GRIK2: variants seen among roughly 807,000 people sequenced by gnomAD.
The protein encoded by GRIK2 is glutamate receptor ionotropic, kainate 2.
A neutral mutation model predicts 100.3 loss-of-function variants in GRIK2; 32 were observed. That is an observed-to-expected ratio of 0.32 (90% CI 0.24 to 0.43). The LOEUF (loss-of-function observed/expected upper bound fraction) is 0.43. Among genes scored for constraint, GRIK2 ranks in the 20% least tolerant of loss-of-function variants. The pLI, the probability that GRIK2 is intolerant of heterozygous loss-of-function variation, is 1.00. For missense variants in GRIK2, 843 were observed against 1,114.9 expected, an observed-to-expected ratio of 0.76 and a Z score of 3.47; for synonymous variants, 417 against 389.4, an observed-to-expected ratio of 1.07 and a Z score of -0.83.
rs940215759 is a variant in GRIK2 at position 101,449,535 on chromosome 6, A to G, written c.115+50143A>G. 2.0e-5 allele frequency among the ~76,000 whole-genome samples: 3 copies of G among 151,738 alleles called. No individual in the cohort carries two copies. The East Asian group carries it at 5.8e-4, about 29-fold the overall frequency. On this transcript the variant is annotated intron_variant, in intron 2 of 16. Coordinates refer to ENST00000369134, the MANE Select transcript of GRIK2 (RefSeq NM_021956.5). ...GCTTTGGAAATGAAAACACAAGGAA[A>G]CAAGTAAACTTGTGTACTTTCATGC...
chr6:101,464,522 TTTTTTTTTTTTTTG>T (rs1771527069), intron 2 of GRIK2, among the ~76,000 whole-genome samples: 1 of 96,004 alleles, frequency 1.0e-5, no homozygotes, highest in Admixed American at 1.1e-4. Context: ...TTTTTTTTTT[TTTTTTTTTTTTTTG>T]AGACAGAGTC....
chr6:101,647,214 CAA>C (rs929530821), intron 4 of GRIK2, among the ~76,000 whole-genome samples: 19 of 151,922 alleles, frequency 1.3e-4, no homozygotes, highest in African/African-American at 3.9e-4. Context: ...ATGTAAAAAA[CAA>C]AGAGGTAAAA....
chr6:101,823,709 C>T (rs1021770038), intron 10 of GRIK2, among the ~76,000 whole-genome samples: 3 of 152,030 alleles, frequency 2.0e-5, no homozygotes, highest in Non-Finnish European at 2.9e-5. Flanking sequence ...TAAAGTATAA[C>T]GTGCTAAACC....
In GRIK2 at chr6:102,014,271, T is replaced by C. The variant is rs142292361; in HGVS notation, c.2086-21070T>C. Reference sequence around the variant, plus strand: ...AGTCTTTGATGGTTATTTGTATTCCTGTGGGGTCAGTGGTAATAATCCCTT... The same window carrying C: ...AGTCTTTGATGGTTATTTGTATTCCCGTGGGGTCAGTGGTAATAATCCCTT... On this transcript the variant is annotated intron_variant, in intron 14 of 16. Coordinates refer to ENST00000369134, the MANE Select transcript of GRIK2 (RefSeq NM_021956.5). 5.6e-3 allele frequency among the ~76,000 whole-genome samples: 850 copies of C among 152,336 alleles called. 8 individuals are homozygous for C. The highest frequency in any genetic ancestry group is 0.02 in the African/African-American group (813 of 41,560).
intron 14 of GRIK2, among the ~76,000 whole-genome samples, chr6:102,004,623 C>G (rs1381848377): frequency 1.3e-5 from 2 of 151,916 alleles, no homozygotes; most frequent in Non-Finnish European, 2.9e-5. Context: ...CAATTCAATT[C>G]TTGGGAGTGA....
At chr6:101,493,800 T>C (rs962394254) in intron 2 of GRIK2, among the ~76,000 whole-genome samples, 1 of 151,020 alleles carries the variant, frequency 6.6e-6, no homozygotes, top group Non-Finnish European at 1.5e-5. Context: ...TCAGCCTACT[T>C]AGCCCCTTTT....
chr6:101,729,153 G>GGAT (rs1775079913), intron 7 of GRIK2, among the ~76,000 whole-genome samples: 1 of 151,946 alleles, frequency 6.6e-6, no homozygotes, highest in Non-Finnish European at 1.5e-5. Flanking sequence ...TGCTTTCCTT[G>GGAT]GATTGCAGAT....
At chr6:101,431,068 A>AG in intron 2 of GRIK2, 1 of 255,734 alleles carries the variant, frequency 3.9e-6, no homozygotes, top group Non-Finnish European at 8.4e-6. Flanking sequence ...CATACATGGC[A>AG]GGGGGTATCC....
intron 14 of GRIK2, among the ~76,000 whole-genome samples, chr6:102,032,916 T>G (rs1399097797): frequency 6.6e-6 from 1 of 151,240 alleles, no homozygotes; most frequent in African/African-American, 2.4e-5. Context: ...GGGTATATAG[T>G]GGGTAATTTA....
intron 2 of GRIK2, among the ~76,000 whole-genome samples, chr6:101,413,881 G>A (rs200387020): frequency 8.5e-6 from 1 of 117,420 alleles, no homozygotes; most frequent in African/African-American, 2.9e-5. Context: ...TTTGCTATTT[G>A]TTCAAGTCTT....
chr6:101,951,324 T>C (rs1791592290), intron 14 of GRIK2, among the ~76,000 whole-genome samples: 1 of 152,232 alleles, frequency 6.6e-6, no homozygotes. Context: ...CCTTTAGTCC[T>C]GTGTCAAATC....
chr6:101,768,756 A>T (rs1167903193), intron 7 of GRIK2, among the ~76,000 whole-genome samples: 1 of 152,190 alleles, frequency 6.6e-6, no homozygotes, highest in Non-Finnish European at 1.5e-5. Flanking sequence ...GCCTGGGTTT[A>T]GATTTTAGGT....
At chr6:101,477,682 T>C (rs1772316505) in intron 2 of GRIK2, among the ~76,000 whole-genome samples, 1 of 151,926 alleles carries the variant, frequency 6.6e-6, no homozygotes, top group Non-Finnish European at 1.5e-5. Flanking sequence ...TAAAAATCTT[T>C]TTAGCTGAAG....
At chr6:101,492,980 T>C (rs1287849816) in intron 2 of GRIK2, among the ~76,000 whole-genome samples, 1 of 151,892 alleles carries the variant, frequency 6.6e-6, no homozygotes, top group Non-Finnish European at 1.5e-5. Context: ...TTAAGTAGAA[T>C]TTTTGAAATA....
At chr6:101,985,259 A>G (rs1228898306) in intron 14 of GRIK2, among the ~76,000 whole-genome samples, 1 of 151,754 alleles carries the variant, frequency 6.6e-6, no homozygotes, top group Non-Finnish European at 1.5e-5. Context: ...TTTGTATTGT[A>G]TTCTAGGCTA....
chr6:102,055,545 T>G lies in GRIK2; in HGVS notation c.2527T>G (p.Leu843Val). ...AGTTTTTGTGGCAGTGGGAGAATTT[T>G]TATACAAATCCAAAAAAAACGCTCA... ...LSVFVAVGEFLYKSKKNAQLE... is the reference protein window; with the variant it reads ...LSVFVAVGEFVYKSKKNAQLE... The change falls in exon 16 of 17, where the codon TTA becomes GTA. Residue 843 changes from leucine to valine, a missense_variant. Leu to Val is a conservative substitution (Grantham distance 32). This residue lies in a region of GRIK2 where 87 missense variants were observed against 83.2 expected (regional missense o/e 1.05). Coordinates refer to ENST00000369134, the MANE Select transcript of GRIK2 (RefSeq NM_021956.5). The G allele has an allele frequency of 6.2e-7, 1 of 1,611,484 alleles. No homozygotes were observed. Among genetic ancestry groups the G allele is most frequent in the Non-Finnish European group, 8.5e-7 (1 of 1,177,790 alleles).
chr6:101,430,802 G>A, intron 2 of GRIK2: 1 of 251,598 alleles, frequency 4.0e-6, no homozygotes. Context: ...ATGCCATGGT[G>A]GCCATCACCT....
intron 10 of GRIK2, among the ~76,000 whole-genome samples, chr6:101,854,412 A>G (rs1327069274): frequency 6.6e-6 from 1 of 152,090 alleles, no homozygotes; most frequent in African/African-American, 2.4e-5. Context: ...GGCACCTGCC[A>G]CCACACCCGG....
intron 2 of GRIK2, among the ~76,000 whole-genome samples, chr6:101,547,471 C>T (rs1776302187): frequency 6.6e-6 from 1 of 152,156 alleles, no homozygotes; most frequent in Admixed American, 6.5e-5. Context: ...CTTCCCCACT[C>T]CCCCTACCCC....
Sources: gnomAD v4.1 joint callset for allele counts (sites outside exome capture counted in the v4.1 genomes callset) on GRCh38, gnomAD v4.1.1 for gene constraint, gnomAD v4.1.1 regional missense constraint, MANE v1.5 for transcripts, NCBI Gene and HGNC (gene_info 2026-07-23, HGNC 2026-07-21) for gene names.